The following KHDRBS2 variants were observed in gnomAD, a reference collection of about 807,000 sequenced individuals.
KHDRBS2 encodes KH RNA binding domain containing, signal transduction associated 2.
In KHDRBS2, 26 loss-of-function variants were observed where a neutral mutation model predicts 44.3. The ratio of observed to expected loss-of-function variants is 0.59; its 90% CI spans 0.43 to 0.81. The LOEUF is 0.81. Ranked by LOEUF, KHDRBS2 falls within the 40% of genes least tolerant of loss-of-function variation. The pLI is 0.00. For missense variants in KHDRBS2, 476 were observed against 433.1 expected (o/e 1.10, Z -0.88); for synonymous variants, 194 against 151.1 (o/e 1.28, Z -2.08).
intron 1 of KHDRBS2, among the ~76,000 whole-genome samples, chr6:62,234,111 T>C (rs1233194009): frequency 6.6e-6 from 1 of 152,090 alleles, no homozygotes; most frequent in Non-Finnish European, 1.5e-5. Flanking sequence ...CTGCCTATAA[T>C]AATCATGAAA....
At chr6:61,943,345 G>T (rs1438119546) in intron 4 of KHDRBS2, among the ~76,000 whole-genome samples, 3 of 151,654 alleles carry the variant, frequency 2.0e-5, no homozygotes, top group Non-Finnish European at 4.4e-5. Context: ...ATACCAAAGA[G>T]AATGGACTCA....
At chr6:62,108,989 C>A (rs1029271131) in intron 2 of KHDRBS2, among the ~76,000 whole-genome samples, 21 of 151,762 alleles carry the variant, frequency 1.4e-4, no homozygotes, top group Admixed American at 1.3e-3. Context: ...GGAGATATAC[C>A]TAATGCTAAA....
chr6:61,939,522 A>G (rs1191862803), intron 4 of KHDRBS2, among the ~76,000 whole-genome samples: 1 of 151,022 alleles, frequency 6.6e-6, no homozygotes, highest in African/African-American at 2.4e-5. Flanking sequence ...TTTAGTGAAT[A>G]CTTTTTCTAT....
chr6:61,917,962 T>TTC (rs1807325448), intron 4 of KHDRBS2, among the ~76,000 whole-genome samples: 1 of 151,988 alleles, frequency 6.6e-6, no homozygotes. Flanking sequence ...GATAGGAAGA[T>TTC]ATTGAAGGCT....
chr6:61,621,739 A>G, the KHDRBS2 span, among the ~76,000 whole-genome samples: 2 of 152,152 alleles, frequency 1.3e-5, no homozygotes, highest in African/African-American at 4.8e-5. Context: ...TCTAATCATA[A>G]CAGAACATGG....
At chr6:61,907,469 G>T (rs1011185814) in intron 4 of KHDRBS2, among the ~76,000 whole-genome samples, 1 of 152,110 alleles carries the variant, frequency 6.6e-6, no homozygotes, top group African/African-American at 2.4e-5. Context: ...TATTACTCAA[G>T]AAATCTTTCC....
chr6:61,781,601 A>G (rs1343190092), intron 6 of KHDRBS2, among the ~76,000 whole-genome samples: 1 of 152,066 alleles, frequency 6.6e-6, no homozygotes, highest in Non-Finnish European at 1.5e-5. Context: ...TCATTTATGT[A>G]TTTTATCTTT....
At chr6:61,643,214 A>C in the KHDRBS2 span, among the ~76,000 whole-genome samples, 4 of 152,146 alleles carry the variant, frequency 2.6e-5, no homozygotes, top group Admixed American at 1.3e-4. Context: ...GATATGAAAA[A>C]TTTCTTCTGG....
At chr6:61,892,219 G>T (rs1801974712) in intron 6 of KHDRBS2, among the ~76,000 whole-genome samples, 2 of 152,074 alleles carry the variant, frequency 1.3e-5, no homozygotes, top group African/African-American at 4.8e-5. Context: ...TCTTCAAGGA[G>T]AACTACAAAC....
chr6:62,247,491 G>C (rs1290319234), intron 1 of KHDRBS2, among the ~76,000 whole-genome samples: 1 of 151,870 alleles, frequency 6.6e-6, no homozygotes, highest in Non-Finnish European at 1.5e-5. Flanking sequence ...AAGTAACAAT[G>C]GTATATCTTA....
chr6:62,239,607 C>G (rs747613222), intron 1 of KHDRBS2, among the ~76,000 whole-genome samples: 1 of 151,746 alleles, frequency 6.6e-6, no homozygotes, highest in Non-Finnish European at 1.5e-5. Flanking sequence ...AAATAAAGTA[C>G]AAGTGTGCTT....
intron 6 of KHDRBS2, among the ~76,000 whole-genome samples, chr6:61,740,509 G>A (rs1239397644): frequency 6.6e-6 from 1 of 151,768 alleles, no homozygotes; most frequent in African/African-American, 2.4e-5. Flanking sequence ...TATATATTTT[G>A]ACTCAAAAAT....
chr6:61,629,963 G>T, the KHDRBS2 span, among the ~76,000 whole-genome samples: 1 of 152,108 alleles, frequency 6.6e-6, no homozygotes, highest in Non-Finnish European at 1.5e-5. Flanking sequence ...CTACACCTGA[G>T]CTAATGATTT....
chr6:62,145,163 T>C (rs1813659048), intron 2 of KHDRBS2, among the ~76,000 whole-genome samples: 1 of 151,902 alleles, frequency 6.6e-6, no homozygotes, highest in Non-Finnish European at 1.5e-5. Flanking sequence ...GCAAAAAGAC[T>C]AAGACAGTTG....
intron 2 of KHDRBS2, among the ~76,000 whole-genome samples, chr6:62,074,874 A>C (rs1345597087): frequency 6.6e-6 from 1 of 151,920 alleles, no homozygotes; most frequent in African/African-American, 2.4e-5. Context: ...ATTACTCAGT[A>C]AATGTATTAT....
chr6:61,576,103 A>G, the KHDRBS2 span, among the ~76,000 whole-genome samples: 24 of 152,164 alleles, frequency 1.6e-4, no homozygotes, highest in African/African-American at 5.3e-4. Flanking sequence ...AACAAAACAA[A>G]ACAAAAATAA....
At chr6:61,591,765 C>T in the KHDRBS2 span, among the ~76,000 whole-genome samples, 2 of 152,182 alleles carry the variant, frequency 1.3e-5, no homozygotes, top group South Asian at 4.1e-4. Context: ...TACCACAGCC[C>T]TGCTCTTTCT....
At chr6:61,702,932 T>G (rs1030629851) in intron 7 of KHDRBS2, among the ~76,000 whole-genome samples, 1 of 151,804 alleles carries the variant, frequency 6.6e-6, no homozygotes, top group African/African-American at 2.4e-5. Context: ...ACATTATATA[T>G]CTTGATTTTA....
chr6:61,563,193 G>A, the KHDRBS2 span, among the ~76,000 whole-genome samples: 1 of 151,980 alleles, frequency 6.6e-6, no homozygotes, highest in African/African-American at 2.4e-5. Context: ...TTTCAGGTTT[G>A]GTCCGAAATT....
Sources: gnomAD v4.1 joint callset for allele counts (sites outside exome capture counted in the v4.1 genomes callset) on GRCh38, gnomAD v4.1.1 for gene constraint, MANE v1.5 for transcripts, NCBI Gene and HGNC (gene_info 2026-07-23, HGNC 2026-07-21) for gene names.